Variants in UGT3A1 observed in about 807,000 individuals in gnomAD.
The protein encoded by UGT3A1 is UDP glycosyltransferase family 3 member A1.
Under a neutral mutation model 37.6 loss-of-function variants are expected in UGT3A1, and 40 were observed. The observed-to-expected ratio is 1.06, with a 90% confidence interval of 0.83 to 1.38. The LOEUF is 1.38. Ranked by LOEUF, UGT3A1 falls within the 40% of genes most tolerant of loss-of-function variation. The probability of loss-of-function intolerance (pLI) is 0.00; values close to 1 mark genes in which losing one functional copy is unlikely to be tolerated. For synonymous variants in UGT3A1, 256 were observed against 232.3 expected (o/e 1.10, Z -0.93); for missense variants, 642 against 634.2 (o/e 1.01, Z -0.13).
At position 35,955,840 on chromosome 5, in the gene UGT3A1, A is replaced by G. The variant is rs1739333466; in HGVS notation, c.1100T>C (p.Val367Ala). 6.2e-7 allele frequency: 1 copy of G among 1,614,110 alleles called. No individual in the cohort carries two copies. Among genetic ancestry groups the G allele is most frequent in the Admixed American group, 1.7e-5 (1 of 60,006 alleles). Reference sequence around the variant, plus strand: ...TACGCTGTTCTGCCCACCATGAGTGACAAAAAGACGGATGCTGGGGTGAGC... The same window carrying G: ...TACGCTGTTCTGCCCACCATGAGTGGCAAAAAGACGGATGCTGGGGTGAGC... ...LLAHPSIRLF[V>A]THGGQNSVME... The change falls in exon 6 of 7, where the codon GTC (valine) becomes GCC (alanine). Residue 367 changes from valine (V) to alanine (A), a missense_variant. Coordinates refer to ENST00000274278, the MANE Select transcript of UGT3A1 (RefSeq NM_152404.4).
At chr5:35,995,128 A>C (rs1025893432), upstream of UGT3A1, among the ~76,000 whole-genome samples, 1 of 152,148 alleles carries the variant, frequency 6.6e-6, no homozygotes, top group Admixed American at 6.5e-5. Context: ...GTAATCTTTT[A>C]TCTCTCTTAA....
chr5:35,990,962 C>A (rs1174087367), intron 1 of UGT3A1, 185 bp downstream of exon 1: 1 of 1,493,848 alleles, frequency 6.7e-7, no homozygotes, highest in Non-Finnish European at 8.9e-7. Context: ...CTGTCTTCCT[C>A]ACCTCAGCAA....
At chr5:35,978,883 A>T (rs924248230) in intron 2 of UGT3A1, among the ~76,000 whole-genome samples, 1 of 152,182 alleles carries the variant, frequency 6.6e-6, no homozygotes, top group African/African-American at 2.4e-5. Flanking sequence ...AGTTACAATG[A>T]GGGTAGAGGC....
At chr5:35,964,644 C>T (rs1170846107) in intron 4 of UGT3A1, among the ~76,000 whole-genome samples, 1 of 152,128 alleles carries the variant, frequency 6.6e-6, no homozygotes, top group East Asian at 1.9e-4. Context: ...TGTCCTCCTC[C>T]ATTAATAAAA....
chr5:35,954,417 G>C lies in UGT3A1; in HGVS notation c.1357C>G (p.Gln453Glu). The change falls in exon 7 of 7, where the codon CAG (glutamine) becomes GAG (glutamate). Residue 453 changes from glutamine (Q) to glutamate (E), a missense_variant. Coordinates refer to ENST00000274278, the MANE Select transcript of UGT3A1 (RefSeq NM_152404.4). The part of the protein sequence containing the change: ...ILHSQPLSPA[Q>E]RLVGWIDHIL... Reference sequence around the variant, plus strand: ...TGGTCGATCCAGCCCACCAGCCGCTGTGCGGGGCTCAGGGGCTGAGAGTGC... The same window carrying C: ...TGGTCGATCCAGCCCACCAGCCGCTCTGCGGGGCTCAGGGGCTGAGAGTGC... 3 of 1,614,244 alleles carry C rather than the reference G, an allele frequency of 1.9e-6. No individual in the cohort carries two copies. Among genetic ancestry groups the C allele is most frequent in the Non-Finnish European group, 2.5e-6 (3 of 1,180,052 alleles).
chr5:35,962,970 G>A, intron 4 of UGT3A1: 1 of 702,464 alleles, frequency 1.4e-6, no homozygotes, highest in Non-Finnish European at 2.6e-6. Flanking sequence ...CAGGGAAATA[G>A]AGGTGTCCCT....
chr5:35,979,980 C>T (rs946725138), intron 2 of UGT3A1, among the ~76,000 whole-genome samples: 1 of 152,184 alleles, frequency 6.6e-6, no homozygotes, highest in African/African-American at 2.4e-5. Context: ...AAGAATAGCA[C>T]AGGAAAGACC....
intron 2 of UGT3A1, among the ~76,000 whole-genome samples, chr5:35,986,063 A>G (rs928812072): frequency 6.6e-6 from 1 of 152,168 alleles, no homozygotes; most frequent in African/African-American, 2.4e-5. Flanking sequence ...TCTCAAAATA[A>G]CCAACAGATA....
In UGT3A1 at chr5:35,954,255, G is replaced by C; in HGVS notation, c.1519C>G (p.Leu507Val). 1 of 1,614,126 alleles carries C rather than the reference G, an allele frequency of 6.2e-7. No individual in the cohort carries two copies. Among genetic ancestry groups the C allele is most frequent in the Non-Finnish European group, 8.5e-7 (1 of 1,180,028 alleles). Residue 507 changes from leucine (L) to valine (V), a missense_variant, in exon 7 of 7, where the codon CTG becomes GTG. By Grantham distance (32) the Leu-to-Val change is conservative. Transcript: ENST00000274278. The part of the protein sequence containing the change: ...LGTMWLCGKL[L>V]GVVARWLRGA... ...CGCAGCCACCTGGCCACCACACCCA[G>C]CAGCTTCCCACAAAGCCACATAGTG...
intron 2 of UGT3A1, among the ~76,000 whole-genome samples, chr5:35,976,971 G>GGAGAAAGAGAA (rs1019773692): frequency 7.0e-6 from 1 of 143,480 alleles, no homozygotes; most frequent in Non-Finnish European, 1.5e-5. Flanking sequence ...AGAGAGAAAG[G>GGAGAAAGAGAA]GAGAAAGAGA....
chr5:35,953,948 G>A lies in UGT3A1; in HGVS notation c.*254C>T. The stretch of plus-strand genomic sequence containing the variant: ...TGTCAGAGTCCTGTGTCTAGGAAAA[G>A]GGAGAAAGGAGGAGGCAGGGCTGGC... On this transcript the variant is annotated 3_prime_UTR_variant, in exon 7 of 7. Coordinates refer to ENST00000274278, the MANE Select transcript of UGT3A1 (RefSeq NM_152404.4). 2.2e-6 allele frequency: 1 copy of A among 452,608 alleles called. No individual in the cohort carries two copies. Among genetic ancestry groups the A allele is most frequent in the Non-Finnish European group, 4.0e-6 (1 of 251,360 alleles). The allele number at this position is 452,608 out of a possible 1,614,324, so 28.0% of individuals were successfully genotyped here.
upstream of UGT3A1, among the ~76,000 whole-genome samples, chr5:35,991,863 T>C (rs769597689): frequency 2.0e-5 from 3 of 152,174 alleles, no homozygotes; most frequent in Non-Finnish European, 2.9e-5. Context: ...GTGTTCTAAT[T>C]CTGAAAGTCA....
At chr5:35,960,794 G>T (rs1316373365) in intron 4 of UGT3A1, 2 of 152,142 alleles carry the variant, frequency 1.3e-5, no homozygotes, top group African/African-American at 4.8e-5. Flanking sequence ...GGTGGGGATG[G>T]GATGCATGGG....
In UGT3A1 at chr5:35,972,174, GGA is replaced by G. The variant is rs746136995; in HGVS notation, c.197-4043_197-4042del. On this transcript the variant is annotated intron_variant, in intron 2 of 6. Transcript: ENST00000274278. ...TTAGTTTTATTTGTAAGCTTGGCTA[GGA>G]GAGAGTACACGGTTAATTAATCAAA... Among the ~76,000 whole-genome samples the G allele has an allele frequency of 2.0e-5, 3 of 152,164 alleles. No homozygotes were observed. The South Asian group carries it at 6.2e-4, about 32-fold the overall frequency.
intron 2 of UGT3A1, among the ~76,000 whole-genome samples, chr5:35,972,443 G>T (rs1193336919): frequency 6.6e-6 from 1 of 151,056 alleles, no homozygotes; most frequent in Non-Finnish European, 1.5e-5. Context: ...CTGACCTATA[G>T]ATTTTGGACT....
At position 35,957,133 on chromosome 5, in the gene UGT3A1, C is replaced by T. The variant is rs878937820; in HGVS notation, c.1075+55G>A. 5.2e-5 allele frequency: 77 copies of T among 1,490,432 alleles called. 1 individual carries two copies. In the African/African-American group the frequency reaches 5.9e-4, roughly 12 times the overall value. 92.3% of individuals were successfully genotyped at this position (1,490,432 alleles called of 1,614,324 possible). A position where few individuals can be genotyped will look rare whatever the true frequency, so the allele number is the denominator to read the frequency against. On this transcript the variant is annotated intron_variant, in intron 5 of 6. Coordinates refer to ENST00000274278, the MANE Select transcript of UGT3A1 (RefSeq NM_152404.4). ...GCCCAGCTAGAGGTCAGAACACTGA[C>T]GAGCACCAAAGGCAGGTCAATGGAA...
At chr5:35,964,543 T>C (rs147549652) in intron 4 of UGT3A1, among the ~76,000 whole-genome samples, 2 of 152,258 alleles carry the variant, frequency 1.3e-5, no homozygotes, top group East Asian at 3.9e-4. Flanking sequence ...GAACAGTCAC[T>C]TTCGTACCTG....
intron 6 of UGT3A1, 23 bp downstream of exon 6, chr5:35,955,622 C>T: frequency 1.2e-6 from 2 of 1,613,460 alleles, no homozygotes; most frequent in African/African-American, 1.3e-5. Context: ...CCTTAGTGAC[C>T]ACATGCTTAG....
intron 2 of UGT3A1, among the ~76,000 whole-genome samples, chr5:35,987,943 T>C (rs969549244): frequency 6.6e-6 from 1 of 152,234 alleles, no homozygotes; most frequent in Non-Finnish European, 1.5e-5. Flanking sequence ...ATGTACAACT[T>C]ATGCATAGCT....
Sources: gnomAD v4.1 joint callset for allele counts (sites outside exome capture counted in the v4.1 genomes callset) on GRCh38, gnomAD v4.1.1 for gene constraint, MANE v1.5 for transcripts, NCBI Gene and HGNC (gene_info 2026-07-23, HGNC 2026-07-21) for gene names.